The following PP2D1 variants were observed in gnomAD, a reference collection of about 807,000 sequenced individuals.
The protein encoded by PP2D1 is protein phosphatase 2C-like domain-containing protein 1.
A neutral mutation model predicts 30.2 loss-of-function variants in PP2D1; 25 were observed. The observed-to-expected ratio is 0.83, with a 90% CI of 0.60 to 1.16. The LOEUF is 1.16. Among genes scored for constraint, PP2D1 ranks in the 50% most tolerant of loss-of-function variants. The pLI is 0.00. For missense variants in PP2D1, 760 were observed against 742.4 expected, an observed-to-expected ratio of 1.02 and a Z score of -0.28; for synonymous variants, 260 against 258.9, an observed-to-expected ratio of 1.00 and a Z score of -0.04.
chr3:19,999,483 G>A (rs1481322885), intron 2 of PP2D1, among the ~76,000 whole-genome samples: 5 of 151,090 alleles, frequency 3.3e-5, no homozygotes, highest in Non-Finnish European at 5.9e-5. Context: ...TCAGGCTCAA[G>A]CGATTCTCCT....
chr3:19,983,635 TATA>T, downstream of PP2D1: 2 of 1,024,228 alleles, frequency 2.0e-6, no homozygotes, highest in Non-Finnish European at 3.0e-6. Flanking sequence ...AAAGAAAAAT[TATA>T]GATAAGCAGG....
At chr3:20,003,944 A>G (rs974956596) in intron 1 of PP2D1, among the ~76,000 whole-genome samples, 2 of 152,210 alleles carry the variant, frequency 1.3e-5, no homozygotes, top group Non-Finnish European at 1.5e-5. Flanking sequence ...CAAAGTAAAA[A>G]GTTACTGTAA....
In PP2D1 at chr3:20,003,819, A is replaced by G. The variant is rs951193774; in HGVS notation, c.24-1723T>C. 5.3e-5 allele frequency among the ~76,000 whole-genome samples: 8 copies of G among 152,026 alleles called. No homozygotes were observed. In the South Asian group the frequency reaches 6.2e-4, roughly 12 times the overall value. On this transcript the variant is annotated intron_variant, in intron 1 of 2. Coordinates refer to ENST00000389050, the MANE Select transcript of PP2D1 (RefSeq NM_001252657.2). Reference sequence around the variant, plus strand: ...TAATCAAAAAATTAAAAACAGAAAAAAGCCCCTAGAATAAGGATATGAAGC... The same window carrying G: ...TAATCAAAAAATTAAAAACAGAAAAGAGCCCCTAGAATAAGGATATGAAGC...
chr3:19,986,505 A>G (rs372154418), intron 2 of PP2D1, among the ~76,000 whole-genome samples: 1 of 152,248 alleles, frequency 6.6e-6, no homozygotes, highest in Non-Finnish European at 1.5e-5. Context: ...TTGCAGAGTC[A>G]TGAGTTGAAC....
At chr3:19,984,395 C>A, downstream of PP2D1, 2 of 243,732 alleles carry the variant, frequency 8.2e-6, no homozygotes, top group Non-Finnish European at 1.6e-5. Context: ...TTAATGGTAT[C>A]TTAATTATAC....
At chr3:19,994,248 GAGAA>G (rs1161736722) in intron 2 of PP2D1, among the ~76,000 whole-genome samples, 1 of 152,156 alleles carries the variant, frequency 6.6e-6, no homozygotes, top group Non-Finnish European at 1.5e-5. Context: ...AGGCCAAAGA[GAGAA>G]AGAGGGAAGA....
intron 2 of PP2D1, among the ~76,000 whole-genome samples, chr3:19,991,464 T>G (rs1697118873): frequency 6.6e-6 from 1 of 152,224 alleles, no homozygotes; most frequent in South Asian, 2.1e-4. Flanking sequence ...AAAGAAACTT[T>G]ATGTGGTGGT....
At chr3:19,983,231 G>GT (rs775769361), downstream of PP2D1, among the ~76,000 whole-genome samples, 6 of 151,632 alleles carry the variant, frequency 4.0e-5, no homozygotes, top group Non-Finnish European at 8.8e-5. Context: ...AGCTACTCGA[G>GT]AGGCCAAGGC....
In PP2D1 at chr3:20,000,383, C is replaced by T. The variant is rs1001403448; in HGVS notation, c.1090+647G>A. On this transcript the variant is annotated intron_variant, in intron 2 of 2. Transcript: ENST00000389050. ...GGGTAGTAGAACTGTAGTTAAGTAT[C>T]TCATGGAACTCAGTGTGGAACTCAT... 2.0e-5 allele frequency among the ~76,000 whole-genome samples: 3 copies of T among 152,164 alleles called. No individual in the cohort carries two copies. The East Asian group carries it at 5.8e-4, about 29-fold the overall frequency.
rs535213370 is a variant in PP2D1, at chr3:20,010,614, C to T, written c.23+1436G>A. Among the ~76,000 whole-genome samples, 288 of 151,782 alleles carry T rather than the reference C, an allele frequency of 1.9e-3. 1 individual carries two copies. The highest frequency in any genetic ancestry group is 6.8e-3 in the African/African-American group (282 of 41,404). On this transcript the variant is annotated intron_variant, in intron 1 of 2. Transcript: ENST00000389050. ...GTCGGGAGTTCGAGACTAGCCTGAC[C>T]GACATAGAGAAACCCCATCTGTACT... is the stretch of plus-strand genomic sequence containing the variant.
intron 2 of PP2D1, among the ~76,000 whole-genome samples, chr3:19,989,181 A>G (rs1359874124): frequency 2.0e-5 from 3 of 150,824 alleles, no homozygotes; most frequent in Admixed American, 6.6e-5. Flanking sequence ...TAAATACAAA[A>G]ATTAGCCGGG....
chr3:19,982,806 C>T (rs1339628848), downstream of PP2D1, among the ~76,000 whole-genome samples: 5 of 150,880 alleles, frequency 3.3e-5, no homozygotes, highest in African/African-American at 1.2e-4. Flanking sequence ...TGTTTTAAGG[C>T]CAAAGGCTGT....
chr3:19,985,770 T>C lies in PP2D1; in HGVS notation c.1503A>G (p.Glu501=). The C allele has an allele frequency of 6.5e-7, 1 of 1,536,102 alleles. No individual in the cohort carries two copies. Among genetic ancestry groups the C allele is most frequent in the Non-Finnish European group, 8.7e-7 (1 of 1,146,882 alleles). ...SKGPLLFSTS[E]PNLTKSQSNI... is the part of the protein sequence containing the mutation. Reference sequence around the variant, plus strand: ...TACTCTGTGATTTAGTAAGGTTTGGTTCACTGGTTGAAAAAAGCAGAGGCC... The same window carrying C: ...TACTCTGTGATTTAGTAAGGTTTGGCTCACTGGTTGAAAAAAGCAGAGGCC... Residue 501 remains glutamate, a synonymous_variant, in exon 3 of 3, where the codon GAA becomes GAG. Coordinates refer to ENST00000389050, the MANE Select transcript of PP2D1 (RefSeq NM_001252657.2).
intron 2 of PP2D1, among the ~76,000 whole-genome samples, chr3:19,995,037 T>C (rs889023655): frequency 3.3e-5 from 5 of 152,172 alleles, no homozygotes; most frequent in African/African-American, 1.2e-4. Flanking sequence ...GCCTCAGTAG[T>C]AGAGAATAAT....
At chr3:20,009,677 T>C (rs928800540) in intron 1 of PP2D1, among the ~76,000 whole-genome samples, 1 of 152,120 alleles carries the variant, frequency 6.6e-6, no homozygotes, top group Non-Finnish European at 1.5e-5. Flanking sequence ...TGATAAACGA[T>C]AAATAATAGT....
At chr3:19,993,733 GTT>G (rs1330395557) in intron 2 of PP2D1, among the ~76,000 whole-genome samples, 1 of 151,844 alleles carries the variant, frequency 6.6e-6, no homozygotes, top group Non-Finnish European at 1.5e-5. Context: ...GAGCAAGACT[GTT>G]TGTTTGTTTG....
At chr3:20,004,994 C>T (rs892659017) in intron 1 of PP2D1, among the ~76,000 whole-genome samples, 1 of 151,846 alleles carries the variant, frequency 6.6e-6, no homozygotes, top group African/African-American at 2.4e-5. Flanking sequence ...GCCTGTAGTC[C>T]GAGCTACTCA....
At position 19,986,129 on chromosome 3, in the gene PP2D1, C is replaced by T. The variant is rs1390030879; in HGVS notation, c.1144G>A (p.Glu382Lys). 1.3e-6 allele frequency: 2 copies of T among 1,532,074 alleles called. No homozygotes were observed. The highest frequency in any genetic ancestry group is 1.2e-5 in the South Asian group (1 of 82,700). 94.9% of individuals were successfully genotyped at this position (1,532,074 alleles called of 1,614,324 possible). Residue 382 changes from glutamate (E) to lysine (K), a missense_variant, in exon 3 of 3, where the codon GAA becomes AAA. Glu to Lys is a moderately conservative substitution (Grantham distance 56). Coordinates refer to ENST00000389050, the MANE Select transcript of PP2D1 (RefSeq NM_001252657.2). ...RNGKGFCLTK[E>K]HTTRNTNERR... Reference sequence around the variant, plus strand: ...TCATTTGTGTTTCGTGTAGTATGTTCTTTGGTTAGGCAAAAACCTTTCCCA... The same window carrying T: ...TCATTTGTGTTTCGTGTAGTATGTTTTTTGGTTAGGCAAAAACCTTTCCCA...
In PP2D1 at chr3:19,985,812, G is replaced by A. The variant is rs1404660706; in HGVS notation, c.1461C>T (p.Asn487=). The A allele has an allele frequency of 1.3e-6, 2 of 1,536,060 alleles. No individual in the cohort carries two copies. Among genetic ancestry groups the A allele is most frequent in the Admixed American group, 2.0e-5 (1 of 50,988 alleles). Residue 487 remains asparagine, a synonymous_variant, in exon 3 of 3, where the codon AAC becomes AAT. Coordinates refer to ENST00000389050, the MANE Select transcript of PP2D1 (RefSeq NM_001252657.2). ...GCAGAGGCCCTTTGGATGGTGATTT[G>A]TTAGGTATGATAGGACAGTATGTTT... ...YKETYCPIIP[N]KSPSKGPLLF...
Sources: gnomAD v4.1 joint callset for allele counts (sites outside exome capture counted in the v4.1 genomes callset) on GRCh38, gnomAD v4.1.1 for gene constraint, MANE v1.5 for transcripts, NCBI Gene and HGNC (gene_info 2026-07-23, HGNC 2026-07-21) for gene names.